BMPR2: variants seen among roughly 807,000 people sequenced by gnomAD.
The protein encoded by BMPR2 is bone morphogenetic protein receptor type 2, also known as bone morphogenetic protein receptor type-2.
A neutral mutation model predicts 100.8 loss-of-function variants in BMPR2; 29 were observed. The ratio of observed to expected loss-of-function variants is 0.29; its 90% CI spans 0.21 to 0.39. The LOEUF (loss-of-function observed/expected upper bound fraction) is 0.39. BMPR2 is among the 10% of genes least tolerant of loss of function. The pLI, the probability that BMPR2 is intolerant of heterozygous loss-of-function variation, is 1.00. For missense variants in BMPR2, 1,011 were observed against 1,274.5 expected, an observed-to-expected ratio of 0.79 and a Z score of 3.15; for synonymous variants, 382 against 442.3, an observed-to-expected ratio of 0.86 and a Z score of 1.71.
At chr2:202,448,196 T>C (rs949443640) in intron 1 of BMPR2, among the ~76,000 whole-genome samples, 2 of 151,054 alleles carry the variant, frequency 1.3e-5, no homozygotes, top group African/African-American at 4.9e-5. Context: ...AAGCCTCTAA[T>C]CCCAGCACTT....
At chr2:202,386,713 C>T (rs1301820706) in intron 1 of BMPR2, among the ~76,000 whole-genome samples, 2 of 151,306 alleles carry the variant, frequency 1.3e-5, no homozygotes, top group Non-Finnish European at 2.9e-5. Context: ...CAGAGTCTTG[C>T]TCTGTCGTCT....
intron 12 of BMPR2, 71 bp downstream of exon 12, chr2:202,556,602 C>T: frequency 6.7e-7 from 1 of 1,502,850 alleles, no homozygotes; most frequent in Non-Finnish European, 9.1e-7. Flanking sequence ...TTAGAATCAA[C>T]TAATAGATAT....
chr2:202,460,296 T>C (rs1393564469), intron 1 of BMPR2, among the ~76,000 whole-genome samples: 1 of 152,094 alleles, frequency 6.6e-6, no homozygotes, highest in Non-Finnish European at 1.5e-5. Context: ...GTGGTAAATA[T>C]ACACCATGGA....
intron 3 of BMPR2, among the ~76,000 whole-genome samples, chr2:202,470,500 G>A (rs940516020): frequency 2.6e-5 from 4 of 151,430 alleles, no homozygotes; most frequent in African/African-American, 7.3e-5. Context: ...GGTGGCTCAC[G>A]CCTGTAATCC....
chr2:202,513,712 C>A lies in BMPR2; in HGVS notation c.419-7C>A, dbSNP rs778689357. The A allele has an allele frequency of 6.2e-7, 1 of 1,607,986 alleles. No homozygotes were observed. Among genetic ancestry groups the A allele is most frequent in the Non-Finnish European group, 8.5e-7 (1 of 1,175,570 alleles). On this transcript the variant is annotated splice_polypyrimidine_tract_variant and splice_region_variant and intron_variant, in intron 3 of 12. Coordinates refer to ENST00000374580, the MANE Select transcript of BMPR2 (RefSeq NM_001204.7). Reference sequence around the variant, plus strand: ...AAAATGACATTTCAAAATTTGTTTTCTTTTAGGTCCACCTCATTCATTTAA... The same window carrying A: ...AAAATGACATTTCAAAATTTGTTTTATTTTAGGTCCACCTCATTCATTTAA...
Position 202,388,787 on chromosome 2 carries a change from CAAA to C in BMPR2, c.76+11250_76+11252del, listed in dbSNP as rs1172001860. ...TGGGCGACACAGTGAGATTCAGTCT[CAAA>C]AAAAAAAAAAAAGCAAGATTTTAGT... On this transcript the variant is annotated intron_variant, in intron 1 of 12. Coordinates refer to ENST00000374580, the MANE Select transcript of BMPR2 (RefSeq NM_001204.7). Among the ~76,000 whole-genome samples, 6 of 90,780 alleles carry C rather than the reference CAAA, an allele frequency of 6.6e-5. No individual in the cohort carries two copies. The East Asian group carries it at 1.1e-3, about 17-fold the overall frequency. 59.6% of individuals were successfully genotyped at this position (90,780 alleles called of 152,430 possible).
intron 5 of BMPR2, among the ~76,000 whole-genome samples, chr2:202,517,791 G>A (rs1485432566): frequency 1.3e-5 from 2 of 151,536 alleles, no homozygotes; most frequent in African/African-American, 4.8e-5. Context: ...CCCAAGGCCA[G>A]AACAATTTTC....
At chr2:202,448,819 G>A (rs1471112080) in intron 1 of BMPR2, among the ~76,000 whole-genome samples, 1 of 151,948 alleles carries the variant, frequency 6.6e-6, no homozygotes, top group Non-Finnish European at 1.5e-5. Flanking sequence ...TTTAAGCGTG[G>A]CTTATGTGCT....
intron 5 of BMPR2, among the ~76,000 whole-genome samples, chr2:202,517,816 C>CTT (rs753338130): frequency 2.8e-5 from 4 of 142,300 alleles, no homozygotes; most frequent in South Asian, 2.2e-4. Flanking sequence ...CTTCTTTTTT[C>CTT]TTTTTTTTTT....
At chr2:202,555,146 G>T in intron 11 of BMPR2, 106 bp from the exon 12 acceptor site, 1 of 1,056,414 alleles carries the variant, frequency 9.5e-7, no homozygotes. Context: ...ACGTTTGGAA[G>T]AAAATGAAAA....
intron 1 of BMPR2, among the ~76,000 whole-genome samples, chr2:202,392,932 C>T (rs1179129300): frequency 1.4e-5 from 2 of 142,948 alleles, no homozygotes; most frequent in East Asian, 2.1e-4. Flanking sequence ...GCGGAGGTTG[C>T]GGTGAGCCGA....
chr2:202,448,177 CG>C (rs778140659), intron 1 of BMPR2, among the ~76,000 whole-genome samples: 2 of 150,390 alleles, frequency 1.3e-5, no homozygotes, highest in Non-Finnish European at 2.9e-5. Flanking sequence ...TGGCCAGGCG[CG>C]GTGGCTCAAG....
At chr2:202,451,856 T>G (rs1033527282) in intron 1 of BMPR2, among the ~76,000 whole-genome samples, 1 of 152,000 alleles carries the variant, frequency 6.6e-6, no homozygotes, top group Admixed American at 6.5e-5. Context: ...TTCAAGCGAT[T>G]CTCCTGTCTC....
chr2:202,557,224 G>A (rs1226178189), intron 12 of BMPR2, among the ~76,000 whole-genome samples: 1 of 152,096 alleles, frequency 6.6e-6, no homozygotes, highest in Non-Finnish European at 1.5e-5. Flanking sequence ...AGCACTTTGG[G>A]AGGCTGAGGC....
chr2:202,561,697 C>T lies in BMPR2; in HGVS notation c.*1751C>T, dbSNP rs906151335. 3.9e-5 allele frequency: 6 copies of T among 152,264 alleles called. No individual in the cohort carries two copies. Among genetic ancestry groups the T allele is most frequent in the East Asian group, 1.9e-4 (1 of 5,188 alleles). 9.4% of individuals were successfully genotyped at this position (152,264 alleles called of 1,614,324 possible). A position where few individuals can be genotyped will look rare whatever the true frequency, so the allele number is the denominator to read the frequency against. ...ATCTCCTGAACAATATTTTCTCACT[C>T]ATATTCCTCTATCTTATCACTTAGC... On this transcript the variant is annotated 3_prime_UTR_variant, in exon 13 of 13. Transcript: ENST00000374580.
In BMPR2 at chr2:202,444,406, G is replaced by A. The variant is rs985549764; in HGVS notation, c.77-20403G>A. 6.0e-5 allele frequency among the ~76,000 whole-genome samples: 9 copies of A among 150,492 alleles called. 1 individual carries two copies. Among genetic ancestry groups the A allele is most frequent in the Non-Finnish European group, 8.8e-5 (6 of 68,012 alleles). ...GGCACATGTGCTTGTGAAGAAATCC[G>A]TAGATATTGAGAGAGATGAAGTGTT... On this transcript the variant is annotated intron_variant, in intron 1 of 12. Transcript: ENST00000374580.
intron 1 of BMPR2, among the ~76,000 whole-genome samples, chr2:202,424,528 T>G (rs935217680): frequency 6.6e-6 from 1 of 151,986 alleles, no homozygotes; most frequent in African/African-American, 2.4e-5. Context: ...AAACCCCGTC[T>G]CTACTAAAAG....
Position 202,377,241 on chromosome 2 carries a change from G to T in BMPR2, c.-234G>T. The T allele has an allele frequency of 1.6e-6, 1 of 614,702 alleles. No homozygotes were observed. The highest frequency in any genetic ancestry group is 1.9e-5 in the South Asian group (1 of 53,370). 38.1% of individuals were successfully genotyped at this position (614,702 alleles called of 1,614,324 possible). ...TCCGTTTGGAGGGCCGCGGCACCCC[G>T]TCCGAGGCGAAGGAACCCCCCCAGC... is the stretch of plus-strand genomic sequence containing the variant. On this transcript the variant is annotated 5_prime_UTR_variant, in exon 1 of 13. Coordinates refer to ENST00000374580, the MANE Select transcript of BMPR2 (RefSeq NM_001204.7).
chr2:202,481,264 C>T (rs542018545), intron 3 of BMPR2, among the ~76,000 whole-genome samples: 13 of 152,116 alleles, frequency 8.5e-5, no homozygotes, highest in South Asian at 4.1e-4. Context: ...CTGCAACCTC[C>T]GCCTCCCAGG....
Sources: gnomAD v4.1 joint callset for allele counts (sites outside exome capture counted in the v4.1 genomes callset) on GRCh38, gnomAD v4.1.1 for gene constraint, MANE v1.5 for transcripts, NCBI Gene and HGNC (gene_info 2026-07-23, HGNC 2026-07-21) for gene names.